ATCAY: variants seen among roughly 807,000 people sequenced by gnomAD.
ATCAY encodes the protein caytaxin.
In ATCAY, 22 loss-of-function variants were observed where a neutral mutation model predicts 47.7. The ratio of observed to expected loss-of-function variants is 0.46; its 90% CI spans 0.33 to 0.66. ATCAY has a LOEUF of 0.66. Ranked by LOEUF, ATCAY falls within the 30% of genes least tolerant of loss-of-function variation. ATCAY has a pLI of 0.02. For missense variants in ATCAY, 452 were observed against 515.0 expected (o/e 0.88, Z 1.18); for synonymous variants, 216 against 207.6 (o/e 1.04, Z -0.35).
chr19:3,909,958 G>A (rs554805218), intron 7 of ATCAY, among the ~76,000 whole-genome samples: 5 of 152,222 alleles, frequency 3.3e-5, no homozygotes, highest in South Asian at 2.1e-4. Flanking sequence ...GCGTGGTGGC[G>A]CATGCCTGTA....
In ATCAY at chr19:3,918,808, C is replaced by T. The variant is rs112396816; in HGVS notation, c.1004C>T (p.Ala335Val). ...CACCTCGTTCTCTCTGTCCACAGCGCGAGGCCCCAGCCGGAGTTTGTGCTG... is the reference window on the plus strand; with the variant it reads ...CACCTCGTTCTCTCTGTCCACAGCGTGAGGCCCCAGCCGGAGTTTGTGCTG... ...EERLKARRES[A>V]RPQPEFVLPR... The change falls in exon 11 of 13, where the codon GCG becomes GTG. Residue 335 changes from alanine to valine, a missense_variant and splice_region_variant. Physicochemically the swap from Ala to Val is moderately conservative, Grantham distance 64 (BLOSUM62 0). Transcript: ENST00000450849. 3.8e-5 allele frequency: 61 copies of T among 1,613,932 alleles called. 1 individual carries two copies. Among genetic ancestry groups the T allele is most frequent in the South Asian group, 3.2e-4 (29 of 91,076 alleles).
At position 3,925,521 on chromosome 19, in the gene ATCAY, G is replaced by A. The variant is rs1007947890; in HGVS notation, c.*929G>A. ...GGGTATCGGGCGTTTGAGTGTTTCA[G>A]AAGTCATTCGGGAAGATAAATCCAG... is the stretch of plus-strand genomic sequence containing the variant. On this transcript the variant is annotated 3_prime_UTR_variant, in exon 13 of 13. Coordinates refer to ENST00000450849, the MANE Select transcript of ATCAY (RefSeq NM_033064.5). The surrounding 1 kb of genome is among the most constrained non-coding windows in gnomAD (Gnocchi z 4.4). The A allele has an allele frequency of 1.1e-4, 17 of 152,266 alleles. No individual in the cohort carries two copies. The highest frequency in any genetic ancestry group is 3.9e-4 in the African/African-American group (16 of 41,474). The allele number at this position is 152,266 out of a possible 1,614,324, so 9.4% of individuals were successfully genotyped here.
chr19:3,910,935 G>C, intron 8 of ATCAY, 46 bp downstream of exon 8: 1 of 1,591,346 alleles, frequency 6.3e-7, no homozygotes, highest in Non-Finnish European at 8.6e-7. Context: ...CTCAGTGTGC[G>C]TGTGTGCGTG....
chr19:3,908,898 C>T (rs1343788342), intron 6 of ATCAY, among the ~76,000 whole-genome samples: 1 of 99,660 alleles, frequency 1.0e-5, no homozygotes, highest in Non-Finnish European at 2.1e-5. Context: ...TCTCCTCCCC[C>T]TCCCCATCCT....
At position 3,907,837 on chromosome 19, in the gene ATCAY, G is replaced by A. The variant is rs751719124; in HGVS notation, c.462G>A (p.Trp154Ter). Residue 154 changes from tryptophan to a stop codon, truncating the protein, a stop_gained, in exon 5 of 13, where the codon TGG becomes TGA. Coordinates refer to ENST00000450849, the MANE Select transcript of ATCAY (RefSeq NM_033064.5). LOFTEE classifies it high-confidence loss of function. The surrounding 1 kb of genome is among the most constrained non-coding windows in gnomAD (Gnocchi z 5.1). The part of the protein sequence containing the change: ...EDGSAANGRL[W>*]RTVIIGEQEH... ...GCAGCGCCGCCAACGGGCGCCTGTG[G>A]CGGACAGTGATCATCGGGGAGCAAG... is the stretch of plus-strand genomic sequence containing the variant. The A allele has an allele frequency of 1.2e-6, 2 of 1,613,976 alleles. No homozygotes were observed. The highest frequency in any genetic ancestry group is 1.1e-5 in the South Asian group (1 of 91,090).
intron 1 of ATCAY, 89 bp from the exon 2 acceptor site, chr19:3,885,638 G>C: frequency 1.6e-6 from 1 of 643,988 alleles, no homozygotes; most frequent in East Asian, 2.8e-5. Flanking sequence ...GACGGAGGGG[G>C]AGTGGGAGGG....
chr19:3,898,310 G>T (rs1044122338), intron 2 of ATCAY, among the ~76,000 whole-genome samples: 2 of 151,930 alleles, frequency 1.3e-5, no homozygotes, highest in Non-Finnish European at 2.9e-5. Flanking sequence ...TCAGCCTCCT[G>T]AGTACTTGGA....
chr19:3,925,812 G>A lies in ATCAY; in HGVS notation c.*1220G>A, dbSNP rs951346131. 1.3e-5 allele frequency: 2 copies of A among 152,192 alleles called. No individual in the cohort carries two copies. The highest frequency in any genetic ancestry group is 2.9e-5 in the Non-Finnish European group (2 of 68,060). 9.4% of individuals were successfully genotyped at this position (152,192 alleles called of 1,614,324 possible). On this transcript the variant is annotated 3_prime_UTR_variant, in exon 13 of 13. Transcript: ENST00000450849. This position sits in a 1 kb window ranked among gnomAD's most constrained non-coding sequence, Gnocchi z 4.4. ...ACCTGAGGTGAGGAGTTTGAGAACA[G>A]CCTGGCCAACATGGTGAAACCTCAT...
rs1599287274 is a variant in ATCAY, at chr19:3,905,336, T to C, written c.137-98T>C. The C allele has an allele frequency of 3.2e-5, 40 of 1,245,906 alleles. 1 individual carries two copies. In the South Asian group the frequency reaches 5.6e-4, roughly 18 times the overall value. The allele number at this position is 1,245,906 out of a possible 1,614,324, so 77.2% of individuals were successfully genotyped here. A position where few individuals can be genotyped will look rare whatever the true frequency, so the allele number is the denominator to read the frequency against. ...GAAGGGAGCCCACCCTCTCTTCCCATTCCTGCATGATGAAACAGCTTCCAC... is the reference window on the plus strand; with the variant it reads ...GAAGGGAGCCCACCCTCTCTTCCCACTCCTGCATGATGAAACAGCTTCCAC... On this transcript the variant is annotated intron_variant, in intron 3 of 12. Transcript: ENST00000450849.
chr19:3,886,613 G>A (rs1448280534), intron 2 of ATCAY, among the ~76,000 whole-genome samples: 5 of 150,182 alleles, frequency 3.3e-5, no homozygotes, highest in African/African-American at 1.2e-4. Context: ...AAAATTAGCT[G>A]GGTATGGTGT....
intron 3 of ATCAY, among the ~76,000 whole-genome samples, chr19:3,902,820 G>A (rs779057344): frequency 1.3e-5 from 2 of 152,194 alleles, no homozygotes; most frequent in African/African-American, 2.4e-5. Context: ...TAGGTAGCGA[G>A]CTTCTCGCAG....
intron 6 of ATCAY, 40 bp from the exon 7 acceptor site, chr19:3,909,446 C>T: frequency 6.2e-7 from 1 of 1,603,308 alleles, no homozygotes; most frequent in Non-Finnish European, 8.5e-7. Context: ...ACCCTGGACC[C>T]CTCCATGTTG....
chr19:3,888,966 T>C (rs1369410395), intron 2 of ATCAY, among the ~76,000 whole-genome samples: 2 of 152,124 alleles, frequency 1.3e-5, no homozygotes, highest in Non-Finnish European at 2.9e-5. Context: ...GTTCTCAGAA[T>C]AGCCGAGAAT....
chr19:3,884,418 G>T (rs1599273152), intron 1 of ATCAY, among the ~76,000 whole-genome samples: 1 of 152,148 alleles, frequency 6.6e-6, no homozygotes, highest in Non-Finnish European at 1.5e-5. Context: ...CTTGCTTGAG[G>T]GAGGACAGAG....
At chr19:3,896,156 A>G (rs987815384) in intron 2 of ATCAY, among the ~76,000 whole-genome samples, 1 of 151,724 alleles carries the variant, frequency 6.6e-6, no homozygotes, top group African/African-American at 2.4e-5. Context: ...CCAGTCTGAG[A>G]TGCTTTCTAC....
At chr19:3,916,195 G>A (rs2038965074) in intron 9 of ATCAY, among the ~76,000 whole-genome samples, 1 of 152,116 alleles carries the variant, frequency 6.6e-6, no homozygotes, top group South Asian at 2.1e-4. Context: ...CATCCTCAAG[G>A]TGCATCCACA....
At chr19:3,886,703 C>T (rs1422959897) in intron 2 of ATCAY, among the ~76,000 whole-genome samples, 2 of 151,218 alleles carry the variant, frequency 1.3e-5, no homozygotes, top group African/African-American at 4.9e-5. Context: ...ACACTTACCT[C>T]CCCTAACATG....
chr19:3,911,192 C>G (rs1174207889), intron 8 of ATCAY, among the ~76,000 whole-genome samples: 1 of 152,038 alleles, frequency 6.6e-6, no homozygotes, highest in East Asian at 1.9e-4. Flanking sequence ...TAGCAAAACC[C>G]CCATCTCTAC....
chr19:3,891,358 AG>A (rs2038717953), intron 2 of ATCAY, among the ~76,000 whole-genome samples: 1 of 151,860 alleles, frequency 6.6e-6, no homozygotes, highest in Admixed American at 6.6e-5. Flanking sequence ...GCCTCCTTCT[AG>A]CATTTTCCTT....
Sources: gnomAD v4.1 joint callset for allele counts (sites outside exome capture counted in the v4.1 genomes callset) on GRCh38, gnomAD v4.1.1 for gene constraint, Gnocchi (gnomAD v3.1) non-coding constraint, MANE v1.5 for transcripts, NCBI Gene and HGNC (gene_info 2026-07-23, HGNC 2026-07-21) for gene names.